DZANK1: variants seen among roughly 807,000 people sequenced by gnomAD.
The protein encoded by DZANK1 is double zinc ribbon and ankyrin repeat domains 1, also known as double zinc ribbon and ankyrin repeat-containing protein 1.
In DZANK1, 91 loss-of-function variants were observed where a neutral mutation model predicts 94.5. The ratio of observed to expected loss-of-function variants is 0.96; its 90% confidence interval spans 0.81 to 1.15. DZANK1 has a LOEUF of 1.15. Among genes scored for constraint, DZANK1 ranks in the 50% most tolerant of loss-of-function variants. The pLI is 0.00. For missense variants in DZANK1, 903 were observed against 916.4 expected, an observed-to-expected ratio of 0.99 and a Z score of 0.19; for synonymous variants, 312 against 325.3, an observed-to-expected ratio of 0.96 and a Z score of 0.44.
At chr20:18,404,027 T>C (rs1217906697) in intron 13 of DZANK1, among the ~76,000 whole-genome samples, 2 of 152,068 alleles carry the variant, frequency 1.3e-5, no homozygotes, top group Non-Finnish European at 2.9e-5. Flanking sequence ...CTCAAACTCC[T>C]GAGACGGCCC....
chr20:18,426,405 T>G (rs192089964), intron 10 of DZANK1, among the ~76,000 whole-genome samples: 1 of 152,128 alleles, frequency 6.6e-6, no homozygotes, highest in African/African-American at 2.4e-5. Flanking sequence ...TCCAGTTTCA[T>G]GAGGAATCTG....
chr20:18,440,619 A>G (rs1283508446), intron 8 of DZANK1, among the ~76,000 whole-genome samples: 4 of 152,042 alleles, frequency 2.6e-5, no homozygotes, highest in African/African-American at 9.7e-5. Context: ...GGTTTAAACC[A>G]CCCACAACCC....
intron 9 of DZANK1, among the ~76,000 whole-genome samples, chr20:18,431,420 G>C (rs188680418): frequency 6.6e-6 from 1 of 152,200 alleles, no homozygotes; most frequent in Non-Finnish European, 1.5e-5. Flanking sequence ...GCATGCTGCC[G>C]CCTGCCGGGA....
intron 13 of DZANK1, among the ~76,000 whole-genome samples, chr20:18,404,623 C>G (rs2056862299): frequency 6.6e-6 from 1 of 152,108 alleles, no homozygotes; most frequent in Admixed American, 6.5e-5. Flanking sequence ...ACAGGAAACT[C>G]TGACCCAAAC....
At chr20:18,456,250 TATC>T (rs1366307744) in intron 3 of DZANK1, among the ~76,000 whole-genome samples, 13 of 152,244 alleles carry the variant, frequency 8.5e-5, no homozygotes, top group African/African-American at 3.1e-4. Flanking sequence ...ACTCAAATAC[TATC>T]ATGTTTTCCA....
intron 2 of DZANK1, 32 bp downstream of exon 2, chr20:18,465,213 GTTATT>G: frequency 1.5e-6 from 2 of 1,331,200 alleles, no homozygotes; most frequent in Non-Finnish European, 2.1e-6. Context: ...ATATGACAAT[GTTATT>G]TTAAACAATT....
intron 13 of DZANK1, among the ~76,000 whole-genome samples, chr20:18,406,641 A>G (rs917757576): frequency 6.6e-6 from 1 of 152,302 alleles, no homozygotes; most frequent in Admixed American, 6.5e-5. Flanking sequence ...ATGGTGCAAG[A>G]CTCATTCTGT....
At chr20:18,448,052 G>C (rs1444259881) in intron 7 of DZANK1, among the ~76,000 whole-genome samples, 1 of 151,978 alleles carries the variant, frequency 6.6e-6, no homozygotes, top group Non-Finnish European at 1.5e-5. Flanking sequence ...TATGAGACTG[G>C]ATCACTTTTG....
At position 18,453,714 on chromosome 20, in the gene DZANK1, G is replaced by A. The variant is rs1568543450; in HGVS notation, c.475+17C>T. 1 of 1,568,348 alleles carries A rather than the reference G, an allele frequency of 6.4e-7. No homozygotes were observed. Among genetic ancestry groups the A allele is most frequent in the South Asian group, 1.1e-5 (1 of 89,820 alleles). On this transcript the variant is annotated intron_variant, in intron 5 of 20. Transcript: ENST00000262547. ...GTTCAGAATACAAAACCTTGTCTTT[G>A]TTCTGTCACATCATACCTGGAAACT...
chr20:18,462,355 C>T lies in DZANK1; in HGVS notation c.110-2049G>A, dbSNP rs549980250. 8.0e-4 allele frequency among the ~76,000 whole-genome samples: 122 copies of T among 152,164 alleles called. 1 individual carries two copies. The highest frequency in any genetic ancestry group is 2.6e-3 in the African/African-American group (108 of 41,512). ...GGAGGTGAAGCAGGGATAAGTTCTG[C>T]TCAGCAAGCAGACGAAGGGGCAGAG... On this transcript the variant is annotated intron_variant, in intron 2 of 20. Transcript: ENST00000262547.
chr20:18,390,503 T>C (rs759498345), intron 17 of DZANK1, 44 bp from the exon 18 acceptor site: 1 of 1,570,390 alleles, frequency 6.4e-7, no homozygotes, highest in Non-Finnish European at 8.8e-7. Context: ...CTTCAAAATA[T>C]TCACTCAAGG....
chr20:18,402,025 T>C (rs574827042), intron 13 of DZANK1, among the ~76,000 whole-genome samples: 1 of 152,240 alleles, frequency 6.6e-6, no homozygotes, highest in Admixed American at 6.5e-5. Flanking sequence ...AGTCAGACTG[T>C]GGGCTGGGTT....
chr20:18,433,416 C>T (rs1029109765), intron 9 of DZANK1: 2 of 458,328 alleles, frequency 4.4e-6, no homozygotes, highest in Non-Finnish European at 7.9e-6. Context: ...GTGGTGCACG[C>T]CTGTAGTTCC....
At chr20:18,433,788 T>C (rs761400248) in intron 8 of DZANK1, 23 bp from the exon 9 acceptor site, 2 of 1,602,802 alleles carry the variant, frequency 1.2e-6, no homozygotes. Context: ...AAGGTCTGGT[T>C]TATCTTGCAC....
intron 13 of DZANK1, among the ~76,000 whole-genome samples, chr20:18,410,225 AG>A (rs2057185807): frequency 6.6e-6 from 1 of 152,172 alleles, no homozygotes; most frequent in Non-Finnish European, 1.5e-5. Context: ...GTGTTTTGAG[AG>A]TTTATAACAT....
chr20:18,439,547 C>T (rs2058653598), intron 8 of DZANK1, among the ~76,000 whole-genome samples: 1 of 152,150 alleles, frequency 6.6e-6, no homozygotes, highest in South Asian at 2.1e-4. Flanking sequence ...TCATTACTGT[C>T]CTTGTCTTTG....
chr20:18,391,068 A>G (rs1242791598), intron 17 of DZANK1, among the ~76,000 whole-genome samples: 1 of 152,116 alleles, frequency 6.6e-6, no homozygotes, highest in African/African-American at 2.4e-5. Context: ...TTAGCTGCCT[A>G]TAATCCCAGC....
intron 8 of DZANK1, among the ~76,000 whole-genome samples, chr20:18,434,917 C>A (rs939176944): frequency 6.6e-6 from 1 of 152,186 alleles, no homozygotes; most frequent in East Asian, 1.9e-4. Context: ...AATCGATGCA[C>A]TGACTGGCAA....
intron 7 of DZANK1, among the ~76,000 whole-genome samples, chr20:18,445,321 G>A (rs528425584): frequency 2.0e-5 from 3 of 152,240 alleles, no homozygotes; most frequent in African/African-American, 4.8e-5. Flanking sequence ...TAATAGCAGA[G>A]TATCAAAGTA....
Sources: allele counts gnomAD v4.1 joint callset (sites outside exome capture counted in the v4.1 genomes callset), GRCh38; gene constraint gnomAD v4.1.1; transcripts MANE v1.5; gene names NCBI Gene and HGNC (gene_info 2026-07-23, HGNC 2026-07-21).